Variants in KREMEN1 observed in about 807,000 individuals in gnomAD.
KREMEN1 encodes kremen protein 1.
In KREMEN1, 30 loss-of-function variants were observed where a neutral mutation model predicts 46.5. The observed-to-expected ratio is 0.65, with a 90% CI of 0.48 to 0.88. The LOEUF (loss-of-function observed/expected upper bound fraction) is 0.88. Among genes scored for constraint, KREMEN1 ranks in the 40% least tolerant of loss-of-function variants. The pLI is 0.00. For synonymous variants in KREMEN1, 214 were observed against 230.6 expected (o/e 0.93, Z 0.65); for missense variants, 533 against 596.9 (o/e 0.89, Z 1.11).
At chr22:29,076,054 C>A (rs191929391) in intron 1 of KREMEN1, among the ~76,000 whole-genome samples, 51 of 152,272 alleles carry the variant, frequency 3.3e-4, no homozygotes, top group Admixed American at 2.0e-3. Flanking sequence ...TCTAGACTTT[C>A]CTTCAAGGAG....
intron 1 of KREMEN1, 27 bp from the exon 2 acceptor site, chr22:29,094,231 G>A: frequency 6.3e-7 from 1 of 1,583,104 alleles, no homozygotes; most frequent in Non-Finnish European, 8.6e-7. Flanking sequence ...CAGAAAATTA[G>A]TTTGCTCTGT....
chr22:29,160,224 A>C (rs1304632025), intron 9 of KREMEN1, among the ~76,000 whole-genome samples: 3 of 152,022 alleles, frequency 2.0e-5, no homozygotes, highest in Non-Finnish European at 4.4e-5. Context: ...AGTAGAATGA[A>C]GACGGAAAAT....
intron 9 of KREMEN1, among the ~76,000 whole-genome samples, chr22:29,156,601 ACT>A (rs1272630786): frequency 6.6e-6 from 1 of 152,072 alleles, no homozygotes; most frequent in African/African-American, 2.4e-5. Flanking sequence ...CCTCTTCAAA[ACT>A]CTAAATGAGG....
intron 1 of KREMEN1, among the ~76,000 whole-genome samples, chr22:29,084,296 C>T (rs2145743662): frequency 6.9e-6 from 1 of 145,180 alleles, no homozygotes; most frequent in East Asian, 2.0e-4. Context: ...GTGCTGGCCT[C>T]CTATCTTATC....
chr22:29,158,238 C>G (rs1365736030), intron 9 of KREMEN1, among the ~76,000 whole-genome samples: 1 of 152,178 alleles, frequency 6.6e-6, no homozygotes, highest in Non-Finnish European at 1.5e-5. Flanking sequence ...TCCTCACGTG[C>G]AGCCAGCCAT....
chr22:29,074,979 T>G (rs2037543828), intron 1 of KREMEN1, among the ~76,000 whole-genome samples: 1 of 152,212 alleles, frequency 6.6e-6, no homozygotes, highest in Non-Finnish European at 1.5e-5. Flanking sequence ...GACACCTCAT[T>G]TACCCTGGGA....
rs75334806 is a variant in KREMEN1, at chr22:29,116,498, A to T, written c.353-4859A>T. Among the ~76,000 whole-genome samples the T allele has an allele frequency of 8.6e-3, 1,313 of 152,284 alleles. 14 individuals are homozygous for T. The highest frequency in any genetic ancestry group is 0.03 in the African/African-American group (1,255 of 41,548). ...ACCTCATGGTGTGTTTCAAGACCTC[A>T]CTGTCCTATTGAAACATGAACCACC... On this transcript the variant is annotated intron_variant, in intron 3 of 8. Coordinates refer to ENST00000400335, the MANE Select transcript of KREMEN1 (RefSeq NM_001039570.3).
At chr22:29,157,155 C>T (rs763399933) in intron 9 of KREMEN1, among the ~76,000 whole-genome samples, 1 of 152,170 alleles carries the variant, frequency 6.6e-6, no homozygotes, top group Non-Finnish European at 1.5e-5. Context: ...TCAGAGGAGC[C>T]GACCTGTGGG....
intron 1 of KREMEN1, among the ~76,000 whole-genome samples, chr22:29,077,466 C>T (rs1351830246): frequency 6.6e-6 from 1 of 152,238 alleles, no homozygotes; most frequent in Non-Finnish European, 1.5e-5. Flanking sequence ...TCTCCTGCCT[C>T]AGCCTCTCAA....
At chr22:29,167,325 C>T (rs1421499036) in exon 10 of KREMEN1, 3 of 567,474 alleles carry the variant, frequency 5.3e-6, no homozygotes, top group Non-Finnish European at 9.5e-6. Context: ...CACCACCACA[C>T]TCCAGCCTGA....
Position 29,073,271 on chromosome 22 carries a change from A to T in KREMEN1, c.97+44A>T. 1 of 883,884 alleles carries T rather than the reference A, an allele frequency of 1.1e-6. No individual in the cohort carries two copies. 54.8% of individuals were successfully genotyped at this position (883,884 alleles called of 1,614,324 possible). On this transcript the variant is annotated intron_variant, in intron 1 of 8. Transcript: ENST00000400335. This position sits in a 1 kb window ranked among gnomAD's most constrained non-coding sequence, Gnocchi z 4.4. ...CCGCCGCCCGCCCTGAGCGGAGCCC[A>T]CTCGAGGGGCGACAAGGGCCGGCCG...
At chr22:29,113,873 T>A (rs2038190616) in intron 3 of KREMEN1, among the ~76,000 whole-genome samples, 1 of 152,204 alleles carries the variant, frequency 6.6e-6, no homozygotes, top group African/African-American at 2.4e-5. Flanking sequence ...ACGGTTCTTA[T>A]AAGCTCCACA....
chr22:29,154,481 G>C (rs987943206), intron 9 of KREMEN1: 1 of 152,238 alleles, frequency 6.6e-6, no homozygotes, highest in African/African-American at 2.4e-5. Context: ...GGACAAATAG[G>C]CTAAGGCCCC....
intron 1 of KREMEN1, among the ~76,000 whole-genome samples, chr22:29,087,805 TC>T (rs2037751882): frequency 6.6e-6 from 1 of 152,196 alleles, no homozygotes; most frequent in Non-Finnish European, 1.5e-5. Flanking sequence ...CCTCAGGTGA[TC>T]CGCACACCTT....
At chr22:29,165,922 C>T (rs2145879202) in intron 9 of KREMEN1, among the ~76,000 whole-genome samples, 1 of 152,326 alleles carries the variant, frequency 6.6e-6, no homozygotes, top group African/African-American at 2.4e-5. Context: ...GAGGAAAGAG[C>T]TGCCTCTCTC....
intron 9 of KREMEN1, among the ~76,000 whole-genome samples, chr22:29,156,163 G>A (rs1349646029): frequency 6.6e-6 from 1 of 152,172 alleles, no homozygotes; most frequent in African/African-American, 2.4e-5. Flanking sequence ...CATCTATTCT[G>A]CTGTCCAGCA....
intron 5 of KREMEN1, among the ~76,000 whole-genome samples, chr22:29,126,233 G>C (rs1177117496): frequency 4.6e-5 from 7 of 152,070 alleles, no homozygotes; most frequent in Non-Finnish European, 7.4e-5. Flanking sequence ...GGCTAGTTTT[G>C]AGCAAAAATG....
chr22:29,148,992 G>A (rs1032252530), downstream of KREMEN1, among the ~76,000 whole-genome samples: 1 of 152,060 alleles, frequency 6.6e-6, no homozygotes, highest in Non-Finnish European at 1.5e-5. Flanking sequence ...TATGTGCTCT[G>A]TTAAACTTCA....
intron 3 of KREMEN1, among the ~76,000 whole-genome samples, chr22:29,118,707 T>A (rs4820795): frequency 0.36 from 55,159 of 151,730 alleles, 11,510 homozygotes; most frequent in East Asian, 0.66. Context: ...CCAGATACCT[T>A]CATATTGGGA....
Sources: allele counts gnomAD v4.1 joint callset (sites outside exome capture counted in the v4.1 genomes callset), GRCh38; gene constraint gnomAD v4.1.1; non-coding constraint Gnocchi (gnomAD v3.1); transcripts MANE v1.5; gene names NCBI Gene and HGNC (gene_info 2026-07-23, HGNC 2026-07-21).